Variants in FARS2 observed in about 807,000 individuals in gnomAD.
FARS2 encodes the protein phenylalanyl-tRNA synthetase 2, mitochondrial.
A neutral mutation model predicts 46.4 loss-of-function variants in FARS2; 40 were observed. The observed-to-expected ratio is 0.86, with a 90% CI of 0.67 to 1.12. The LOEUF (loss-of-function observed/expected upper bound fraction) is 1.12. Ranked by LOEUF, FARS2 falls within the 50% of genes most tolerant of loss-of-function variation. FARS2 has a pLI of 0.00. For synonymous variants in FARS2, 234 were observed against 214.9 expected, an observed-to-expected ratio of 1.09 and a Z score of -0.78; for missense variants, 513 against 567.9, an observed-to-expected ratio of 0.90 and a Z score of 0.98.
At chr6:5,638,761 A>G (rs1776667458) in intron 6 of FARS2, among the ~76,000 whole-genome samples, 1 of 152,090 alleles carries the variant, frequency 6.6e-6, no homozygotes, top group African/African-American at 2.4e-5. Flanking sequence ...GCTCCTGACG[A>G]CTGTCTGTGG....
chr6:5,747,702 T>A (rs574600373), intron 6 of FARS2, among the ~76,000 whole-genome samples: 18 of 152,332 alleles, frequency 1.2e-4, no homozygotes, highest in Non-Finnish European at 2.4e-4. Flanking sequence ...GCAGTGAGGA[T>A]CGGAGGGTTC....
Position 5,311,450 on chromosome 6 carries a change from ATT to A in FARS2, c.-22+49794_-22+49795del, listed in dbSNP as rs1014562395. Among the ~76,000 whole-genome samples, 1 of 152,072 alleles carries A rather than the reference ATT, an allele frequency of 6.6e-6. No individual in the cohort carries two copies. Among genetic ancestry groups the A allele is most frequent in the Non-Finnish European group, 1.5e-5 (1 of 67,996 alleles). ...TTTGGCATGTTTTATTATTCTCATTATTTTTAACTCAACAGTTATCTGAGTAT... is the reference window on the plus strand; with the variant it reads ...TTTGGCATGTTTTATTATTCTCATTATTTAACTCAACAGTTATCTGAGTAT... On this transcript the variant is annotated intron_variant, in intron 1 of 6. Transcript: ENST00000274680. The surrounding 1 kb of genome is among the most constrained non-coding windows in gnomAD (Gnocchi z 4.1).
chr6:5,556,124 A>G (rs180852783), intron 5 of FARS2, among the ~76,000 whole-genome samples: 2 of 152,234 alleles, frequency 1.3e-5, no homozygotes, highest in African/African-American at 2.4e-5. Flanking sequence ...CCTACAGTCT[A>G]TCTTCTGCTG....
intron 4 of FARS2, among the ~76,000 whole-genome samples, chr6:5,504,186 A>G (rs1767970972): frequency 6.6e-6 from 1 of 152,230 alleles, no homozygotes; most frequent in African/African-American, 2.4e-5. Flanking sequence ...CGTTATGGAA[A>G]TAATTTTTTC....
At chr6:5,320,406 G>T (rs1257864455) in intron 1 of FARS2, among the ~76,000 whole-genome samples, 1 of 152,220 alleles carries the variant, frequency 6.6e-6, no homozygotes, top group Admixed American at 6.5e-5. Flanking sequence ...TCTGCTGACT[G>T]CCCATTCAGT....
intron 1 of FARS2, among the ~76,000 whole-genome samples, chr6:5,292,288 C>CT (rs769383465): frequency 1.3e-5 from 2 of 152,150 alleles, no homozygotes; most frequent in Non-Finnish European, 2.9e-5. Context: ...GAAAAGTGAC[C>CT]TTTAAGACTT....
At chr6:5,326,269 C>T (rs1297852409) in intron 1 of FARS2, among the ~76,000 whole-genome samples, 2 of 152,164 alleles carry the variant, frequency 1.3e-5, no homozygotes, top group African/African-American at 4.8e-5. Context: ...ATTCATAGCC[C>T]CAGAGCAAGC....
intron 2 of FARS2, among the ~76,000 whole-genome samples, chr6:5,395,881 C>T (rs557179250): frequency 6.6e-6 from 1 of 152,170 alleles, no homozygotes; most frequent in South Asian, 2.1e-4. Flanking sequence ...TATCTAAAAG[C>T]ACTGAGAAGA....
chr6:5,679,701 C>T (rs1401515833), intron 6 of FARS2, among the ~76,000 whole-genome samples: 2 of 152,166 alleles, frequency 1.3e-5, no homozygotes, highest in African/African-American at 4.8e-5. Flanking sequence ...CTCTTACTCT[C>T]CATCCTTGCC....
At chr6:5,573,741 A>AGGCATGGGAGTTCTCTCTCTGCTTCTG (rs1166719282) in intron 5 of FARS2, among the ~76,000 whole-genome samples, 13 of 152,298 alleles carry the variant, frequency 8.5e-5, no homozygotes, top group Admixed American at 2.0e-4. Context: ...AACACTTTCC[A>AGGCATGGGAGTTCTCTCTCTGCTTCTG]GGCATGGGAG....
intron 1 of FARS2, among the ~76,000 whole-genome samples, chr6:5,262,689 G>A (rs1036911547): frequency 1.3e-5 from 2 of 152,194 alleles, no homozygotes; most frequent in Non-Finnish European, 2.9e-5. Flanking sequence ...TAATCCTGAT[G>A]CAATGACATT....
At chr6:5,303,006 A>G (rs1768430707) in intron 1 of FARS2, among the ~76,000 whole-genome samples, 1 of 152,146 alleles carries the variant, frequency 6.6e-6, no homozygotes, top group Non-Finnish European at 1.5e-5. Flanking sequence ...TGGGGTTTAC[A>G]TTTGTTGTTT....
intron 2 of FARS2, among the ~76,000 whole-genome samples, chr6:5,372,132 A>T (rs982259953): frequency 2.6e-5 from 4 of 152,172 alleles, no homozygotes; most frequent in African/African-American, 9.6e-5. Context: ...ATTCAACATC[A>T]TAGGCTTAGT....
chr6:5,679,791 G>T (rs1217668484), intron 6 of FARS2, among the ~76,000 whole-genome samples: 1 of 151,516 alleles, frequency 6.6e-6, no homozygotes, highest in Non-Finnish European at 1.5e-5. Flanking sequence ...TGAGTGCCTG[G>T]TCCTCCCAAA....
intron 4 of FARS2, among the ~76,000 whole-genome samples, chr6:5,542,410 A>G (rs1770693339): frequency 6.6e-6 from 1 of 152,168 alleles, no homozygotes; most frequent in South Asian, 2.1e-4. Context: ...ACATGTTTCC[A>G]TATCTTAGGT....
rs182723979 is a variant in FARS2 at position 5,623,471 on chromosome 6, T to C, written c.1217+10151T>C. 4.9e-3 allele frequency among the ~76,000 whole-genome samples: 742 copies of C among 152,256 alleles called. 14 individuals carry two copies. The highest frequency in any genetic ancestry group is 1.7e-3 in the Non-Finnish European group (115 of 68,014). ...GCTCATGTGTGTAATCCCAGCACTT[T>C]TGGAGGCTAGGGCAGGCGGATCACG... On this transcript the variant is annotated intron_variant, in intron 6 of 6. Coordinates refer to ENST00000274680, the MANE Select transcript of FARS2 (RefSeq NM_006567.5).
In FARS2 at chr6:5,326,425, C is replaced by T. The variant is rs777890014; in HGVS notation, c.-21-42125C>T. Among the ~76,000 whole-genome samples, 265 of 152,316 alleles carry T rather than the reference C, an allele frequency of 1.7e-3. 1 individual carries two copies. The highest frequency in any genetic ancestry group is 3.0e-3 in the Non-Finnish European group (207 of 68,028). ...CAAATCATTAACGTCCAGCACACAG[C>T]AGTTGTGTCAGCTCTGCAGACAGAG... is the stretch of plus-strand genomic sequence containing the variant. On this transcript the variant is annotated intron_variant, in intron 1 of 6. Transcript: ENST00000274680.
chr6:5,520,072 T>G (rs1018519128), intron 4 of FARS2, among the ~76,000 whole-genome samples: 17 of 151,768 alleles, frequency 1.1e-4, no homozygotes, highest in Admixed American at 3.3e-4. Flanking sequence ...TCAGGGGAGG[T>G]GGACAATAGT....
At chr6:5,720,394 A>T (rs1448120239) in intron 6 of FARS2, among the ~76,000 whole-genome samples, 1 of 152,114 alleles carries the variant, frequency 6.6e-6, no homozygotes, top group Non-Finnish European at 1.5e-5. Flanking sequence ...AGTTTTCCAG[A>T]TGTTAATTGA....
Sources: gnomAD v4.1 joint callset for allele counts (sites outside exome capture counted in the v4.1 genomes callset) on GRCh38, gnomAD v4.1.1 for gene constraint, Gnocchi (gnomAD v3.1) non-coding constraint, MANE v1.5 for transcripts, NCBI Gene and HGNC (gene_info 2026-07-23, HGNC 2026-07-21) for gene names.